Variants in EPC2 observed in about 807,000 individuals in gnomAD.
EPC2 encodes the protein enhancer of polycomb homolog 2.
Under a neutral mutation model 92.1 loss-of-function variants are expected in EPC2, and 14 were observed. The ratio of observed to expected loss-of-function variants is 0.15; its 90% CI spans 0.10 to 0.24. The LOEUF is 0.24. Among genes scored for constraint, EPC2 ranks in the 10% least tolerant of loss-of-function variants. EPC2 has a pLI of 1.00. For missense variants in EPC2, 755 were observed against 971.5 expected (o/e 0.78, Z 2.96); for synonymous variants, 340 against 334.7 (o/e 1.02, Z -0.17).
intron 2 of EPC2, among the ~76,000 whole-genome samples, chr2:148,725,982 C>A (rs190294218): frequency 6.6e-6 from 1 of 152,132 alleles, no homozygotes; most frequent in Non-Finnish European, 1.5e-5. Flanking sequence ...CCTCCAGCCG[C>A]TGGCAACCAC....
At chr2:148,701,510 T>G (rs369092536) in intron 2 of EPC2, among the ~76,000 whole-genome samples, 1 of 152,242 alleles carries the variant, frequency 6.6e-6, no homozygotes, top group Non-Finnish European at 1.5e-5. Context: ...TCTATTGATA[T>G]GCTCATGTGA....
chr2:148,747,424 T>C (rs1222550510), intron 3 of EPC2, among the ~76,000 whole-genome samples: 1 of 152,082 alleles, frequency 6.6e-6, no homozygotes, highest in Admixed American at 6.6e-5. Flanking sequence ...TCAATCTTTC[T>C]CTTTCTGCCC....
chr2:148,778,276 CAGT>C (rs1421017718), intron 10 of EPC2, among the ~76,000 whole-genome samples: 1 of 152,148 alleles, frequency 6.6e-6, no homozygotes, highest in Non-Finnish European at 1.5e-5. Flanking sequence ...CAGAGAATCT[CAGT>C]TTCCCTTTTG....
intron 1 of EPC2, among the ~76,000 whole-genome samples, chr2:148,657,798 C>T (rs533807442): frequency 6.6e-6 from 1 of 152,140 alleles, no homozygotes; most frequent in Admixed American, 6.6e-5. Flanking sequence ...GCCTTTCTGC[C>T]TTACCATTTT....
intron 1 of EPC2, among the ~76,000 whole-genome samples, chr2:148,677,857 A>C (rs1681302609): frequency 6.6e-6 from 1 of 152,156 alleles, no homozygotes; most frequent in African/African-American, 2.4e-5. Flanking sequence ...CGCTGGCTTC[A>C]GGAGTGAAGC....
rs750453769 is a variant in EPC2, at chr2:148,662,586, G to A, written c.153+17416G>A. On this transcript the variant is annotated intron_variant, in intron 1 of 13. Transcript: ENST00000258484. Reference sequence around the variant, plus strand: ...GCAAGGACAAAAAACCAAACACCGCGTGTTGTCACTCATAGGTGGGAATTG... The same window carrying A: ...GCAAGGACAAAAAACCAAACACCGCATGTTGTCACTCATAGGTGGGAATTG... 8.0e-4 allele frequency among the ~76,000 whole-genome samples: 122 copies of A among 151,964 alleles called. 1 individual carries two copies. The highest frequency in any genetic ancestry group is 1.4e-3 in the Non-Finnish European group (92 of 67,980).
intron 10 of EPC2, among the ~76,000 whole-genome samples, chr2:148,779,935 TC>T: frequency 6.6e-6 from 1 of 152,216 alleles, no homozygotes; most frequent in Non-Finnish European, 1.5e-5. Flanking sequence ...TTAAGATTTT[TC>T]TTTCTGCCTT....
At chr2:148,781,253 CTTA>C (rs1320066995) in intron 10 of EPC2, among the ~76,000 whole-genome samples, 1 of 152,112 alleles carries the variant, frequency 6.6e-6, no homozygotes, top group Non-Finnish European at 1.5e-5. Flanking sequence ...GTCCTGCTTT[CTTA>C]TTAAGGCTAT....
At chr2:148,667,977 C>T (rs1407511442) in intron 1 of EPC2, among the ~76,000 whole-genome samples, 7 of 152,294 alleles carry the variant, frequency 4.6e-5, no homozygotes, top group South Asian at 4.1e-4. Flanking sequence ...CGGCTCACCA[C>T]GACCTCTGCC....
chr2:148,755,790 C>T (rs1558830823), intron 4 of EPC2, among the ~76,000 whole-genome samples: 1 of 152,180 alleles, frequency 6.6e-6, no homozygotes, highest in Non-Finnish European at 1.5e-5. Context: ...CTGGATCTTA[C>T]TGTATTGCCC....
chr2:148,740,942 C>A (rs981024933), intron 2 of EPC2, among the ~76,000 whole-genome samples: 1 of 151,976 alleles, frequency 6.6e-6, no homozygotes, highest in African/African-American at 2.4e-5. Flanking sequence ...TTTTAGTAAT[C>A]TATGTAGTTT....
intron 1 of EPC2, among the ~76,000 whole-genome samples, chr2:148,683,066 C>A (rs773310798): frequency 6.6e-5 from 10 of 151,568 alleles, no homozygotes; most frequent in Non-Finnish European, 1.2e-4. Context: ...AAATATATCA[C>A]AAGGATCTTA....
At chr2:148,648,291 G>T (rs980385898) in intron 1 of EPC2, among the ~76,000 whole-genome samples, 15 of 152,140 alleles carry the variant, frequency 9.9e-5, no homozygotes, top group African/African-American at 3.6e-4. Context: ...TTTCATGAGT[G>T]ACAGCAAATT....
At chr2:148,716,502 G>A (rs1295746926) in intron 2 of EPC2, among the ~76,000 whole-genome samples, 2 of 152,036 alleles carry the variant, frequency 1.3e-5, no homozygotes, top group Admixed American at 6.6e-5. Flanking sequence ...TTTGTCTTTA[G>A]TTCTGTTTAT....
In EPC2 at chr2:148,770,651, G is replaced by A. The variant is rs77235045; in HGVS notation, c.1231-141G>A. ...TTTAACCTGATTAATAGTCAATGAAGCCCCACTTTTACAGTTTTATATCTA... is the reference window on the plus strand; with the variant it reads ...TTTAACCTGATTAATAGTCAATGAAACCCCACTTTTACAGTTTTATATCTA... On this transcript the variant is annotated intron_variant, in intron 8 of 13. Coordinates refer to ENST00000258484, the MANE Select transcript of EPC2 (RefSeq NM_015630.4). The A allele has an allele frequency of 3.5e-3, 3,249 of 928,338 alleles. 82 individuals carry two copies. In the African/African-American group the frequency reaches 0.05, roughly 14 times the overall value. 57.5% of individuals were successfully genotyped at this position (928,338 alleles called of 1,614,324 possible). A position where few individuals can be genotyped will look rare whatever the true frequency, so the allele number is the denominator to read the frequency against.
chr2:148,676,250 G>A (rs1480653531), intron 1 of EPC2, among the ~76,000 whole-genome samples: 4 of 151,716 alleles, frequency 2.6e-5, no homozygotes, highest in Non-Finnish European at 5.9e-5. Flanking sequence ...CGTAATTATA[G>A]TAGGTTTCAA....
intron 1 of EPC2, among the ~76,000 whole-genome samples, chr2:148,658,603 G>GTATATA (rs1298472101): frequency 5.5e-5 from 1 of 18,162 alleles, no homozygotes; most frequent in African/African-American, 1.1e-4. Flanking sequence ...CTGTGTGTGT[G>GTATATA]TGTGTATATA....
chr2:148,658,191 A>G (rs1444866616), intron 1 of EPC2, among the ~76,000 whole-genome samples: 1 of 152,174 alleles, frequency 6.6e-6, no homozygotes, highest in Non-Finnish European at 1.5e-5. Flanking sequence ...TTGAACTCAC[A>G]GCCGGCAGCA....
intron 2 of EPC2, among the ~76,000 whole-genome samples, chr2:148,718,184 A>T (rs907551091): frequency 1.3e-5 from 2 of 152,058 alleles, no homozygotes; most frequent in African/African-American, 4.8e-5. Context: ...ATGGGTCTTG[A>T]TTCTTTATCC....
Sources: gnomAD v4.1 joint callset for allele counts (sites outside exome capture counted in the v4.1 genomes callset) on GRCh38, gnomAD v4.1.1 for gene constraint, MANE v1.5 for transcripts, NCBI Gene and HGNC (gene_info 2026-07-23, HGNC 2026-07-21) for gene names.